NUP153: variants seen among roughly 807,000 people sequenced by gnomAD.
NUP153 encodes the protein nucleoporin 153.
Under a neutral mutation model 134.6 loss-of-function variants are expected in NUP153, and 27 were observed. That is an observed-to-expected ratio of 0.20 (90% confidence interval 0.15 to 0.28). The LOEUF (loss-of-function observed/expected upper bound fraction) is 0.28, where lower values mean the gene tolerates loss of function less well. NUP153 is among the 10% of genes least tolerant of loss of function. The pLI is 1.00. For synonymous variants in NUP153, 640 were observed against 623.5 expected, an observed-to-expected ratio of 1.03 and a Z score of -0.40; for missense variants, 1,821 against 1,731.3, an observed-to-expected ratio of 1.05 and a Z score of -0.92.
intron 11 of NUP153, chr6:17,651,967 T>C: frequency 1.7e-6 from 1 of 582,744 alleles, no homozygotes; most frequent in Non-Finnish European, 3.3e-6. Flanking sequence ...TGATGGCACA[T>C]GCCTGTGGTC....
chr6:17,643,403 C>T (rs560257744), intron 14 of NUP153, among the ~76,000 whole-genome samples: 53 of 152,248 alleles, frequency 3.5e-4, no homozygotes, highest in African/African-American at 1.1e-3. Flanking sequence ...ACCCAGGAGA[C>T]GGAGGTTGCG....
intron 8 of NUP153, among the ~76,000 whole-genome samples, chr6:17,667,742 C>G (rs1283918915): frequency 6.6e-6 from 1 of 151,988 alleles, no homozygotes; most frequent in African/African-American, 2.4e-5. Flanking sequence ...AAAGAAAAAT[C>G]CAACAGTCTG....
intron 13 of NUP153, among the ~76,000 whole-genome samples, chr6:17,646,852 G>A (rs1314033835): frequency 6.7e-6 from 1 of 150,306 alleles, no homozygotes; most frequent in Admixed American, 6.6e-5. Context: ...CAATTCTCCT[G>A]TCTCAGCCTC....
At chr6:17,689,809 G>C (rs1179036910) in intron 1 of NUP153, among the ~76,000 whole-genome samples, 1 of 152,068 alleles carries the variant, frequency 6.6e-6, no homozygotes, top group African/African-American at 2.4e-5. Context: ...ACAAGCATGA[G>C]CCACCGTGCC....
At chr6:17,693,051 G>C (rs1242982773) in intron 1 of NUP153, among the ~76,000 whole-genome samples, 1 of 152,034 alleles carries the variant, frequency 6.6e-6, no homozygotes, top group Admixed American at 6.6e-5. Flanking sequence ...AATACATACA[G>C]TTCATAAAAT....
chr6:17,663,347 G>T (rs1269119015), intron 9 of NUP153, among the ~76,000 whole-genome samples: 1 of 151,324 alleles, frequency 6.6e-6, no homozygotes, highest in Non-Finnish European at 1.5e-5. Flanking sequence ...CTTTAGCCTC[G>T]AACTCCTGGG....
intron 12 of NUP153, 49 bp downstream of exon 12, chr6:17,649,110 TAAAG>T (rs1766369769): frequency 6.8e-7 from 1 of 1,479,620 alleles, no homozygotes; most frequent in Non-Finnish European, 9.1e-7. Context: ...TTTTTTTAAA[TAAAG>T]AATTAAGAAA....
intron 2 of NUP153, 57 bp downstream of exon 2, chr6:17,688,339 T>C (rs765054201): frequency 3.6e-6 from 5 of 1,379,800 alleles, no homozygotes; most frequent in Non-Finnish European, 5.1e-6. Context: ...GGTAGTGTCT[T>C]CAAAATTAGG....
chr6:17,644,051 T>TA (rs201651917), intron 14 of NUP153, among the ~76,000 whole-genome samples: 18 of 149,020 alleles, frequency 1.2e-4, no homozygotes, highest in Admixed American at 2.0e-4. Context: ...GTTAGCCAAT[T>TA]AAAAAAAAAA....
At chr6:17,705,981 C>T (rs1269682900) in intron 1 of NUP153, among the ~76,000 whole-genome samples, 5 of 152,200 alleles carry the variant, frequency 3.3e-5, no homozygotes, top group Admixed American at 2.6e-4. Context: ...TAAAGAAACG[C>T]GCGCATCATG....
At chr6:17,693,449 C>T (rs1446234245) in intron 1 of NUP153, among the ~76,000 whole-genome samples, 2 of 152,316 alleles carry the variant, frequency 1.3e-5, no homozygotes, top group African/African-American at 2.4e-5. Flanking sequence ...AGCACCCCTC[C>T]ACTCCAGTTA....
intron 1 of NUP153, among the ~76,000 whole-genome samples, chr6:17,690,319 T>C (rs759269085): frequency 1.9e-4 from 21 of 107,926 alleles, no homozygotes; most frequent in Admixed American, 3.9e-4. Flanking sequence ...AGTAAAATAA[T>C]TGCTTGAGAA....
intron 11 of NUP153, among the ~76,000 whole-genome samples, 165 bp from the exon 12 acceptor site, chr6:17,649,465 GCCA>G: frequency 6.6e-6 from 1 of 152,238 alleles, no homozygotes; most frequent in Middle Eastern, 3.4e-3. Flanking sequence ...TCCCAGCTGT[GCCA>G]CCAACCAGCC....
intron 17 of NUP153, among the ~76,000 whole-genome samples, chr6:17,632,420 AT>A (rs1270246562): frequency 2.6e-5 from 4 of 152,070 alleles, no homozygotes; most frequent in Non-Finnish European, 5.9e-5. Context: ...GACACAAGAA[AT>A]TTTTTTTCCC....
chr6:17,628,690 G>A lies in NUP153; in HGVS notation c.3509C>T (p.Thr1170Ile). Residue 1170 changes from threonine (T) to isoleucine (I), a missense_variant, in exon 18 of 22, where the codon ACT (threonine) becomes ATT (isoleucine). Coordinates refer to ENST00000262077, the MANE Select transcript of NUP153 (RefSeq NM_005124.4). The surrounding 1 kb of genome is among the most constrained non-coding windows in gnomAD (Gnocchi z 5.4). Reference sequence around the variant, plus strand: ...ACTAGTTTGAGCTCCAAAGGCAAAAGTGGCTTTTGCTGGCTGTTCAGATTC... The same window carrying A: ...ACTAGTTTGAGCTCCAAAGGCAAAAATGGCTTTTGCTGGCTGTTCAGATTC... Reference protein sequence around the residue: ...EKESEQPAKATFAFGAQTSTT... With the variant: ...EKESEQPAKAIFAFGAQTSTT... 1 of 1,610,084 alleles carries A rather than the reference G, an allele frequency of 6.2e-7. No individual in the cohort carries two copies.
Position 17,638,723 on chromosome 6 carries a change from A to C in NUP153, c.1847-953T>G, listed in dbSNP as rs1176705933. Reference sequence around the variant, plus strand: ...CCTATTTAAGAAGTAAAAAGGGAGCAGGGGGAGGTTGGCATCATGAATGCA... The same window carrying C: ...CCTATTTAAGAAGTAAAAAGGGAGCCGGGGGAGGTTGGCATCATGAATGCA... On this transcript the variant is annotated intron_variant, in intron 15 of 21. Transcript: ENST00000262077. The surrounding 1 kb of genome is among the most constrained non-coding windows in gnomAD (Gnocchi z 4.0). 6.6e-6 allele frequency among the ~76,000 whole-genome samples: 1 copy of C among 152,210 alleles called. No homozygotes were observed. The highest frequency in any genetic ancestry group is 2.4e-5 in the African/African-American group (1 of 41,458).
Position 17,629,133 on chromosome 6 carries a change from A to T in NUP153, c.3066T>A (p.Phe1022Leu). ...AGTTAATAACACCTGTACCAAAGCT[A>T]AAACCTGCAGAGGAAGATTTGGGCA... ...EELPKSSSAG[F>L]SFGTGVINST... Residue 1022 changes from phenylalanine (F) to leucine (L), a missense_variant, in exon 18 of 22, where the codon TTT becomes TTA. Phe to Leu is a conservative substitution (Grantham distance 22). Transcript: ENST00000262077. 1.2e-6 allele frequency: 2 copies of T among 1,613,770 alleles called. No individual in the cohort carries two copies. The highest frequency in any genetic ancestry group is 1.7e-6 in the Non-Finnish European group (2 of 1,179,940).
rs746618552 is a variant in NUP153 at position 17,624,794 on chromosome 6, G to C, written c.3941C>G (p.Ser1314Cys). The part of the protein sequence containing the change: ...FVFGTGPSAP[S>C]ASPAFGANQT... ...GTTAGCACCAAATGCTGGACTGGCAGATGGTGCTGAGGGTCCAGTTCCAAA... is the reference window on the plus strand; with the variant it reads ...GTTAGCACCAAATGCTGGACTGGCACATGGTGCTGAGGGTCCAGTTCCAAA... The change falls in exon 20 of 22, where the codon TCT (serine) becomes TGT (cysteine). Residue 1314 changes from serine (S) to cysteine (C), a missense_variant. Transcript: ENST00000262077. 1.2e-6 allele frequency: 2 copies of C among 1,613,890 alleles called. No individual in the cohort carries two copies. The highest frequency in any genetic ancestry group is 1.7e-6 in the Non-Finnish European group (2 of 1,179,878).
intron 18 of NUP153, among the ~76,000 whole-genome samples, chr6:17,627,578 C>T (rs1281511979): frequency 1.3e-5 from 2 of 152,140 alleles, no homozygotes; most frequent in African/African-American, 4.8e-5. Flanking sequence ...TCACTGCCAC[C>T]TCCGCCTCCC....
Sources: gnomAD v4.1 joint callset for allele counts (sites outside exome capture counted in the v4.1 genomes callset) on GRCh38, gnomAD v4.1.1 for gene constraint, Gnocchi (gnomAD v3.1) non-coding constraint, MANE v1.5 for transcripts, NCBI Gene and HGNC (gene_info 2026-07-23, HGNC 2026-07-21) for gene names.